The following CNTN1 variants were observed in gnomAD, a reference collection of about 807,000 sequenced individuals.
CNTN1 encodes contactin 1.
Under a neutral mutation model 126.4 loss-of-function variants are expected in CNTN1, and 38 were observed. The observed-to-expected ratio is 0.30, with a 90% CI of 0.23 to 0.39. The LOEUF (loss-of-function observed/expected upper bound fraction) is 0.39, where lower values mean the gene tolerates loss of function less well. Among genes scored for constraint, CNTN1 ranks in the 10% least tolerant of loss-of-function variants. The pLI is 1.00. For missense variants in CNTN1, 1,009 were observed against 1,248.4 expected, an observed-to-expected ratio of 0.81 and a Z score of 2.89; for synonymous variants, 413 against 422.6, an observed-to-expected ratio of 0.98 and a Z score of 0.28.
At chr12:40,710,419 A>G (rs971587566) in intron 1 of CNTN1, among the ~76,000 whole-genome samples, 1 of 152,140 alleles carries the variant, frequency 6.6e-6, no homozygotes, top group African/African-American at 2.4e-5. Flanking sequence ...ACCATAACAC[A>G]TATAATAATA....
intron 15 of CNTN1, among the ~76,000 whole-genome samples, chr12:40,969,279 A>T (rs550350340): frequency 6.6e-6 from 1 of 152,156 alleles, no homozygotes; most frequent in Non-Finnish European, 1.5e-5. Context: ...ATTAGAATGA[A>T]GGAAACTCAG....
intron 1 of CNTN1, among the ~76,000 whole-genome samples, chr12:40,792,536 A>G (rs1377107905): frequency 2.0e-5 from 3 of 152,086 alleles, no homozygotes; most frequent in African/African-American, 7.2e-5. Context: ...AATGAAAATT[A>G]TTGTAAACCA....
At chr12:40,828,029 A>C (rs918284512) in intron 1 of CNTN1, 4 of 152,134 alleles carry the variant, frequency 2.6e-5, no homozygotes, top group Admixed American at 2.6e-4. Context: ...AATTTGGAAG[A>C]TGTAAATCTC....
At chr12:40,780,581 A>C (rs1456014843) in intron 1 of CNTN1, among the ~76,000 whole-genome samples, 1 of 151,288 alleles carries the variant, frequency 6.6e-6, no homozygotes, top group Non-Finnish European at 1.5e-5. Flanking sequence ...CCATTGTGTG[A>C]GAATAAAATG....
At chr12:41,064,769 C>CTAGATAGATGGA (rs1950013659) in intron 23 of CNTN1, among the ~76,000 whole-genome samples, 1 of 150,600 alleles carries the variant, frequency 6.6e-6, no homozygotes, top group African/African-American at 2.5e-5. Context: ...TGCTACCTCT[C>CTAGATAGATGGA]TAGATAGATA....
intron 1 of CNTN1, among the ~76,000 whole-genome samples, chr12:40,816,237 C>G (rs1395114209): frequency 6.6e-6 from 1 of 152,132 alleles, no homozygotes; most frequent in Admixed American, 6.5e-5. Flanking sequence ...ACTAGCTCCT[C>G]CTTGTATTTC....
At position 40,903,388 on chromosome 12, in the gene CNTN1, C is replaced by CTTT. The variant is rs112301816; in HGVS notation, c.-76-4955_-76-4953dup. ...GACTGGCACATGTTTGTCAGAGTTG[C>CTTT]TTTTTTTTTTTTTTTTGCCTCTGTC... On this transcript the variant is annotated intron_variant, in intron 1 of 23. Coordinates refer to ENST00000551295, the MANE Select transcript of CNTN1 (RefSeq NM_001843.4). 7.6e-3 allele frequency among the ~76,000 whole-genome samples: 991 copies of CTTT among 130,798 alleles called. 20 individuals carry two copies. Among genetic ancestry groups the CTTT allele is most frequent in the African/African-American group, 0.026 (901 of 35,156 alleles). The allele number at this position is 130,798 out of a possible 152,430, so 85.8% of individuals were successfully genotyped here. A position where few individuals can be genotyped will look rare whatever the true frequency, so the allele number is the denominator to read the frequency against.
chr12:40,868,769 AT>A (rs747223670), intron 1 of CNTN1, among the ~76,000 whole-genome samples: 10 of 152,082 alleles, frequency 6.6e-5, no homozygotes, highest in African/African-American at 1.2e-4. Context: ...CGTGCAGTCA[AT>A]TATAAATTCT....
chr12:40,913,653 C>A (rs1477912890), intron 3 of CNTN1, among the ~76,000 whole-genome samples: 1 of 152,110 alleles, frequency 6.6e-6, no homozygotes, highest in Non-Finnish European at 1.5e-5. Flanking sequence ...ATTTTACTTT[C>A]AATTCCTGGA....
At chr12:41,068,483 C>T (rs781711270) in intron 23 of CNTN1, among the ~76,000 whole-genome samples, 7 of 152,018 alleles carry the variant, frequency 4.6e-5, no homozygotes, top group Non-Finnish European at 7.4e-5. Context: ...TATCTGTATC[C>T]GATAAAGCTT....
rs1235812274 is a variant in CNTN1 at position 41,035,093 on chromosome 12, G to GT, written c.2980+5880dup. On this transcript the variant is annotated intron_variant, in intron 23 of 23. Transcript: ENST00000551295. ...CACCTCTGTATCTAAACTAACCTAG[G>GT]TTTTTTCAAATTTTCCCTAAGGTTT... 2.6e-5 allele frequency among the ~76,000 whole-genome samples: 4 copies of GT among 152,222 alleles called. No homozygotes were observed. The East Asian group carries it at 5.8e-4, about 22-fold the overall frequency.
At chr12:40,877,108 A>G (rs1416357038) in intron 1 of CNTN1, among the ~76,000 whole-genome samples, 1 of 152,152 alleles carries the variant, frequency 6.6e-6, no homozygotes, top group Non-Finnish European at 1.5e-5. Context: ...ACAAGTTGGC[A>G]TATTTTCCCT....
At chr12:40,759,774 A>ATTTTTTTTTTTTTT (rs33992864) in intron 1 of CNTN1, among the ~76,000 whole-genome samples, 110 of 133,538 alleles carry the variant, frequency 8.2e-4, no homozygotes, top group African/African-American at 3.0e-3. Context: ...TGGCCCAGAT[A>ATTTTTTTTTTTTTT]TTTTTTTTTT....
chr12:40,851,811 A>C (rs1256419168), intron 1 of CNTN1, among the ~76,000 whole-genome samples: 1 of 152,138 alleles, frequency 6.6e-6, no homozygotes, highest in African/African-American at 2.4e-5. Flanking sequence ...AGGCATGGGG[A>C]AAGGTGATTC....
chr12:40,756,499 G>A (rs1938613858), intron 1 of CNTN1, among the ~76,000 whole-genome samples: 1 of 152,104 alleles, frequency 6.6e-6, no homozygotes, highest in Non-Finnish European at 1.5e-5. Context: ...AATAAAATTA[G>A]CATTGGAGAT....
intron 14 of CNTN1, among the ~76,000 whole-genome samples, chr12:40,946,848 G>A (rs575175879): frequency 4.9e-4 from 75 of 152,074 alleles, no homozygotes; most frequent in African/African-American, 1.7e-3. Context: ...AAATTTCACA[G>A]CCCGGTGTAA....
At chr12:40,909,016 T>G (rs991406964) in intron 2 of CNTN1, among the ~76,000 whole-genome samples, 54 of 152,202 alleles carry the variant, frequency 3.5e-4, no homozygotes, top group Non-Finnish European at 5.4e-4. Context: ...TGGCCATGTT[T>G]AACAACTGAT....
At chr12:40,723,550 AT>A (rs1227684581) in intron 1 of CNTN1, among the ~76,000 whole-genome samples, 11 of 152,128 alleles carry the variant, frequency 7.2e-5, no homozygotes. Flanking sequence ...ATTATCCCTG[AT>A]TTGTTTTTTA....
chr12:41,003,527 C>T (rs1233257079), intron 17 of CNTN1, among the ~76,000 whole-genome samples: 6 of 151,364 alleles, frequency 4.0e-5, no homozygotes, highest in Non-Finnish European at 8.8e-5. Flanking sequence ...ATGGTACCAG[C>T]TCTTCTTTGT....
Sources: allele counts gnomAD v4.1 joint callset (sites outside exome capture counted in the v4.1 genomes callset), GRCh38; gene constraint gnomAD v4.1.1; transcripts MANE v1.5; gene names NCBI Gene and HGNC (gene_info 2026-07-23, HGNC 2026-07-21).